The following EIF2AK4 variants were observed in gnomAD, a reference collection of about 807,000 sequenced individuals.
EIF2AK4 encodes eIF-2-alpha kinase GCN2.
A neutral mutation model predicts 211.1 loss-of-function variants in EIF2AK4; 139 were observed. The observed-to-expected ratio is 0.66, with a 90% CI of 0.57 to 0.76. EIF2AK4 has a LOEUF of 0.76. Ranked by LOEUF, EIF2AK4 falls within the 30% of genes least tolerant of loss-of-function variation. The probability of loss-of-function intolerance (pLI) is 0.00; values close to 1 mark genes in which losing one functional copy is unlikely to be tolerated. For synonymous variants in EIF2AK4, 710 were observed against 751.3 expected, an observed-to-expected ratio of 0.94 and a Z score of 0.90; for missense variants, 1,664 against 2,043.8, an observed-to-expected ratio of 0.81 and a Z score of 3.58.
At chr15:39,960,484 A>C (rs1444164374) in intron 6 of EIF2AK4, among the ~76,000 whole-genome samples, 2 of 152,092 alleles carry the variant, frequency 1.3e-5, no homozygotes, top group African/African-American at 4.8e-5. Flanking sequence ...ACCAAAATTA[A>C]AGAGTCAAGG....
chr15:40,030,558 T>C, intron 35 of EIF2AK4, 102 bp downstream of exon 35: 1 of 1,311,958 alleles, frequency 7.6e-7, no homozygotes, highest in Non-Finnish European at 1.0e-6. Context: ...TTCTTGGAAA[T>C]ATTTTTTCCA....
chr15:40,010,317 G>A (rs1446486390), intron 26 of EIF2AK4, among the ~76,000 whole-genome samples: 3 of 152,168 alleles, frequency 2.0e-5, no homozygotes, highest in Non-Finnish European at 1.5e-5. Context: ...GTATAGATTT[G>A]CATTGATTGA....
intron 37 of EIF2AK4, 30 bp from the exon 38 acceptor site, chr15:40,034,296 G>A (rs2035584071): frequency 6.3e-7 from 1 of 1,583,848 alleles, no homozygotes; most frequent in East Asian, 2.2e-5. Flanking sequence ...CTAGAGACCT[G>A]TTGTTAAGTC....
intron 35 of EIF2AK4, among the ~76,000 whole-genome samples, chr15:40,031,552 T>G (rs1003068084): frequency 5.3e-5 from 8 of 152,130 alleles, no homozygotes; most frequent in African/African-American, 1.9e-4. Flanking sequence ...CTATCATCTC[T>G]CTGTCTCTGT....
chr15:40,009,603 C>G lies in EIF2AK4; in HGVS notation c.3577-11C>G. ...TTATAATGAAAATAGTAATTTTTCT[C>G]CATATCCCAGGAAAGAAATTACAGT... On this transcript the variant is annotated splice_polypyrimidine_tract_variant and intron_variant, in intron 25 of 38. Transcript: ENST00000263791. 1 of 1,528,246 alleles carries G rather than the reference C, an allele frequency of 6.5e-7. No homozygotes were observed. The highest frequency in any genetic ancestry group is 8.9e-7 in the Non-Finnish European group (1 of 1,124,490). 94.7% of individuals were successfully genotyped at this position (1,528,246 alleles called of 1,614,324 possible). A position where few individuals can be genotyped will look rare whatever the true frequency, so the allele number is the denominator to read the frequency against.
intron 27 of EIF2AK4, among the ~76,000 whole-genome samples, chr15:40,015,767 G>T (rs941757177): frequency 6.6e-6 from 1 of 152,212 alleles, no homozygotes; most frequent in Non-Finnish European, 1.5e-5. Flanking sequence ...GAACTAGGTT[G>T]TACTTGCCTA....
intron 13 of EIF2AK4, 146 bp downstream of exon 13, chr15:39,978,293 T>C (rs2034729653): frequency 2.4e-6 from 1 of 419,024 alleles, no homozygotes; most frequent in Non-Finnish European, 4.2e-6. Context: ...TCATTTAAAA[T>C]ATATTCTACC....
At position 40,022,325 on chromosome 15, in the gene EIF2AK4, G is replaced by A. The variant is rs3816899; in HGVS notation, c.4303-194G>A. On this transcript the variant is annotated intron_variant, in intron 31 of 38. Coordinates refer to ENST00000263791, the MANE Select transcript of EIF2AK4 (RefSeq NM_001013703.4). The stretch of plus-strand genomic sequence containing the variant: ...CCTTTAAACAATCATGAAGGGAAGG[G>A]AGGCAAGAGAGGCCTTGTTCCTCCC... 465,556 of 522,948 alleles carry A rather than the reference G, an allele frequency of 0.89. 208,527 individuals carry two copies. The highest frequency in any genetic ancestry group is 0.92 in the Non-Finnish European group (271,907 of 295,272). 32.4% of individuals were successfully genotyped at this position (522,948 alleles called of 1,614,324 possible).
intron 14 of EIF2AK4, among the ~76,000 whole-genome samples, chr15:39,987,451 T>G (rs185688718): frequency 6.0e-4 from 92 of 152,360 alleles, no homozygotes; most frequent in African/African-American, 2.1e-3. Flanking sequence ...AAGATTTAAG[T>G]CATGTTGCAC....
intron 20 of EIF2AK4, among the ~76,000 whole-genome samples, chr15:40,000,344 T>G (rs146164155): frequency 8.8e-4 from 134 of 152,234 alleles, no homozygotes; most frequent in African/African-American, 3.1e-3. Flanking sequence ...ATAATTGAGG[T>G]TTTCTTATCT....
intron 14 of EIF2AK4, among the ~76,000 whole-genome samples, chr15:39,987,300 A>G (rs1338448310): frequency 2.0e-5 from 3 of 152,222 alleles, no homozygotes; most frequent in Non-Finnish European, 4.4e-5. Flanking sequence ...GTTTACTGAC[A>G]ATTATTCCGA....
At chr15:39,965,604 AATGTGT>A (rs2034532843) in intron 7 of EIF2AK4, 76 bp from the exon 8 acceptor site, 6 of 1,484,064 alleles carry the variant, frequency 4.0e-6, no homozygotes, top group Non-Finnish European at 5.5e-6. Context: ...TGAACTAAAG[AATGTGT>A]ATTACCCCCT....
At chr15:40,002,168 A>G (rs1452761970) in intron 21 of EIF2AK4, among the ~76,000 whole-genome samples, 2 of 152,200 alleles carry the variant, frequency 1.3e-5, no homozygotes, top group African/African-American at 4.8e-5. Flanking sequence ...TATTATAGAA[A>G]GATATTTGCA....
chr15:39,960,470 C>G (rs10152402), intron 6 of EIF2AK4, among the ~76,000 whole-genome samples: 1 of 151,762 alleles, frequency 6.6e-6, no homozygotes, highest in South Asian at 2.1e-4. Flanking sequence ...TGACTATGCC[C>G]CTAACCAAAA....
chr15:39,942,058 T>C (rs2034152478), intron 2 of EIF2AK4, among the ~76,000 whole-genome samples: 1 of 152,252 alleles, frequency 6.6e-6, no homozygotes, highest in Non-Finnish European at 1.5e-5. Context: ...TGAAGTTTAA[T>C]TAGCATCATT....
At position 39,950,602 on chromosome 15, in the gene EIF2AK4, A is replaced by G. The variant is rs567123176; in HGVS notation, c.513+1334A>G. 3.5e-4 allele frequency among the ~76,000 whole-genome samples: 53 copies of G among 152,050 alleles called. 1 individual carries two copies. The highest frequency in any genetic ancestry group is 8.5e-4 in the Admixed American group (13 of 15,274). On this transcript the variant is annotated intron_variant, in intron 4 of 38. Coordinates refer to ENST00000263791, the MANE Select transcript of EIF2AK4 (RefSeq NM_001013703.4). ...AGACTCTGTCTTCAAAAAAAAAAAAAAAAAGAAAAGAAAAGAAAAATATAG... is the reference window on the plus strand; with the variant it reads ...AGACTCTGTCTTCAAAAAAAAAAAAGAAAAGAAAAGAAAAGAAAAATATAG...
In EIF2AK4 at chr15:39,946,897, A is replaced by G. The variant is rs1277746010; in HGVS notation, c.361-2219A>G. ...ATAAAGTATTTTAAAATTAAGGTAT[A>G]TACATTGATTTCTACAGACATAATG... On this transcript the variant is annotated intron_variant, in intron 3 of 38. Coordinates refer to ENST00000263791, the MANE Select transcript of EIF2AK4 (RefSeq NM_001013703.4). 7 of 515,548 alleles carry G rather than the reference A, an allele frequency of 1.4e-5. 1 individual carries two copies. Among genetic ancestry groups the G allele is most frequent in the Non-Finnish European group, 3.4e-6 (1 of 290,004 alleles). The allele number at this position is 515,548 out of a possible 1,614,324, so 31.9% of individuals were successfully genotyped here. A position where few individuals can be genotyped will look rare whatever the true frequency, so the allele number is the denominator to read the frequency against.
At chr15:40,032,114 G>T (rs2035552007) in intron 35 of EIF2AK4, 55 bp from the exon 36 acceptor site, 12 of 1,384,438 alleles carry the variant, frequency 8.7e-6, no homozygotes, top group Non-Finnish European at 1.2e-5. Flanking sequence ...AAATAAGATG[G>T]CAAGAAAGAT....
intron 14 of EIF2AK4, among the ~76,000 whole-genome samples, chr15:39,987,681 T>C (rs902095466): frequency 2.0e-5 from 3 of 152,248 alleles, no homozygotes; most frequent in African/African-American, 7.2e-5. Context: ...AATAAAATTT[T>C]ACAACATTCT....
Sources: allele counts gnomAD v4.1 joint callset (sites outside exome capture counted in the v4.1 genomes callset), GRCh38; gene constraint gnomAD v4.1.1; transcripts MANE v1.5; gene names NCBI Gene and HGNC (gene_info 2026-07-23, HGNC 2026-07-21).